STARD13: variants seen among roughly 807,000 people sequenced by gnomAD.
STARD13 encodes stAR-related lipid transfer protein 13.
In STARD13, 62 loss-of-function variants were observed where a neutral mutation model predicts 106.4. The ratio of observed to expected loss-of-function variants is 0.58; its 90% CI spans 0.48 to 0.72. STARD13 has a LOEUF of 0.72. Among genes scored for constraint, STARD13 ranks in the 30% least tolerant of loss-of-function variants. The pLI is 0.00. For synonymous variants in STARD13, 565 were observed against 553.0 expected (o/e 1.02, Z -0.31); for missense variants, 1,387 against 1,424.0 (o/e 0.97, Z 0.42).
chr13:33,311,945 C>T (rs1486293212), intron 1 of STARD13, among the ~76,000 whole-genome samples: 2 of 152,104 alleles, frequency 1.3e-5, no homozygotes, highest in African/African-American at 4.8e-5. Context: ...AAGTGTAATT[C>T]TTTCATTTCC....
the STARD13 span, among the ~76,000 whole-genome samples, chr13:33,467,693 G>C: frequency 6.6e-6 from 1 of 152,246 alleles, no homozygotes; most frequent in South Asian, 2.1e-4. Flanking sequence ...GGATGAGAGA[G>C]CTACCATGCG....
At chr13:33,226,786 G>A (rs1888649295) in intron 1 of STARD13, among the ~76,000 whole-genome samples, 1 of 152,102 alleles carries the variant, frequency 6.6e-6, no homozygotes. Flanking sequence ...CAGACAATTG[G>A]ACAATAAATG....
chr13:33,566,978 ACTC>A, the STARD13 span, among the ~76,000 whole-genome samples: 3 of 147,676 alleles, frequency 2.0e-5, no homozygotes, highest in African/African-American at 7.5e-5. Context: ...GTAATTTCTT[ACTC>A]CTCTACACCT....
chr13:33,464,331 T>C, the STARD13 span, among the ~76,000 whole-genome samples: 5 of 152,172 alleles, frequency 3.3e-5, no homozygotes, highest in Non-Finnish European at 7.4e-5. Context: ...CATTAAGATA[T>C]GTACAATGAA....
chr13:33,316,169 C>T (rs1893326084), intron 1 of STARD13, among the ~76,000 whole-genome samples: 1 of 152,202 alleles, frequency 6.6e-6, no homozygotes, highest in Non-Finnish European at 1.5e-5. Flanking sequence ...TCCTCTCCAA[C>T]CTAATCTTCT....
chr13:33,618,244 G>T, the STARD13 span, among the ~76,000 whole-genome samples: 1 of 152,182 alleles, frequency 6.6e-6, no homozygotes, highest in East Asian at 1.9e-4. Flanking sequence ...AGATCATCCT[G>T]AAAAATCTAT....
intron 1 of STARD13, among the ~76,000 whole-genome samples, chr13:33,339,349 A>G (rs2077933424): frequency 6.6e-6 from 1 of 152,070 alleles, no homozygotes; most frequent in Admixed American, 6.6e-5. Flanking sequence ...GCTACCCTCT[A>G]CTACACAGCT....
chr13:33,154,197 A>T (rs1881665608), intron 3 of STARD13, among the ~76,000 whole-genome samples: 1 of 152,236 alleles, frequency 6.6e-6, no homozygotes, highest in African/African-American at 2.4e-5. Flanking sequence ...GGAAAAAGAA[A>T]GAGGACAGTC....
chr13:33,647,320 C>G, the STARD13 span, among the ~76,000 whole-genome samples: 2 of 152,246 alleles, frequency 1.3e-5, no homozygotes, highest in African/African-American at 2.4e-5. Context: ...CTCAATCATA[C>G]TAGTAATTTC....
chr13:33,224,490 G>T (rs75806869), intron 1 of STARD13, among the ~76,000 whole-genome samples: 1,714 of 152,226 alleles, frequency 0.011, 21 homozygotes, highest in African/African-American at 0.034. Flanking sequence ...CTCCCTCAAG[G>T]ACACAGCGTG....
the STARD13 span, among the ~76,000 whole-genome samples, chr13:33,356,465 G>A: frequency 1.3e-5 from 2 of 152,126 alleles, no homozygotes; most frequent in Non-Finnish European, 2.9e-5. Context: ...GGCAGTACAG[G>A]GAAGTGGCTG....
At chr13:33,248,559 C>T (rs1219261161) in intron 1 of STARD13, among the ~76,000 whole-genome samples, 1 of 152,150 alleles carries the variant, frequency 6.6e-6, no homozygotes, top group East Asian at 1.9e-4. Flanking sequence ...GGGCCTCTGG[C>T]CTTAGGTACA....
At chr13:33,161,319 C>CTT (rs761268263) in intron 3 of STARD13, among the ~76,000 whole-genome samples, 3 of 144,638 alleles carry the variant, frequency 2.1e-5, no homozygotes, top group African/African-American at 7.5e-5. Context: ...TGTTTTATAT[C>CTT]TTTTTTTTTT....
the STARD13 span, among the ~76,000 whole-genome samples, chr13:33,546,255 A>G: frequency 6.6e-6 from 1 of 152,158 alleles, no homozygotes; most frequent in Non-Finnish European, 1.5e-5. Context: ...ATGTAAATGG[A>G]TGTATAATGA....
At chr13:33,350,170 C>T in intron 1 of STARD13, 2 of 1,303,786 alleles carry the variant, frequency 1.5e-6, no homozygotes, top group South Asian at 2.0e-5. Flanking sequence ...CTCGCCCCGG[C>T]CTTGGGCTCT....
chr13:33,667,772 T>C, the STARD13 span, among the ~76,000 whole-genome samples: 4 of 152,240 alleles, frequency 2.6e-5, no homozygotes, highest in Non-Finnish European at 4.4e-5. Context: ...TACAAAAACA[T>C]CCCTTTCAAT....
At chr13:33,318,105 C>T (rs1333934463) in intron 1 of STARD13, among the ~76,000 whole-genome samples, 1 of 152,096 alleles carries the variant, frequency 6.6e-6, no homozygotes, top group Non-Finnish European at 1.5e-5. Flanking sequence ...TACGATCTAG[C>T]CCTCTGCCTT....
rs551257536 is a variant in STARD13, at chr13:33,159,488, C to T, written c.323+5849G>A. ...GGCCCGCTAAGCCACCTATATCATC[C>T]TGTAAATAGAACTGCATAATCAGAG... On this transcript the variant is annotated intron_variant, in intron 3 of 13. Coordinates refer to ENST00000336934, the MANE Select transcript of STARD13 (RefSeq NM_178006.4). Among the ~76,000 whole-genome samples the T allele has an allele frequency of 2.7e-3, 408 of 152,322 alleles. 5 individuals carry two copies. The highest frequency in any genetic ancestry group is 9.4e-3 in the African/African-American group (390 of 41,578).
At chr13:33,322,878 T>C (rs748003912) in intron 1 of STARD13, among the ~76,000 whole-genome samples, 2 of 152,334 alleles carry the variant, frequency 1.3e-5, no homozygotes, top group East Asian at 3.9e-4. Context: ...CCTGTGGATG[T>C]TGAATTAATT....
Sources: gnomAD v4.1 joint callset for allele counts (sites outside exome capture counted in the v4.1 genomes callset) on GRCh38, gnomAD v4.1.1 for gene constraint, MANE v1.5 for transcripts, NCBI Gene and HGNC (gene_info 2026-07-23, HGNC 2026-07-21) for gene names.